GPC6: variants seen among roughly 807,000 people sequenced by gnomAD.
GPC6 encodes glypican 6, also known as glypican-6.
In GPC6, 14 loss-of-function variants were observed where a neutral mutation model predicts 55.2. The observed-to-expected ratio is 0.25, with a 90% CI of 0.17 to 0.40. The LOEUF is 0.40. GPC6 is among the 10% of genes least tolerant of loss of function. The probability of loss-of-function intolerance (pLI) is 1.00; values close to 1 mark genes in which losing one functional copy is unlikely to be tolerated. For synonymous variants in GPC6, 278 were observed against 259.6 expected (o/e 1.07, Z -0.68); for missense variants, 641 against 708.5 (o/e 0.90, Z 1.08).
At chr13:94,039,334 G>A (rs1268764518) in intron 4 of GPC6, among the ~76,000 whole-genome samples, 1 of 151,920 alleles carries the variant, frequency 6.6e-6, no homozygotes, top group African/African-American at 2.4e-5. Context: ...TCAGATGGAT[G>A]AGACTTGTGG....
chr13:93,995,152 G>C (rs976121781), intron 3 of GPC6, among the ~76,000 whole-genome samples: 1 of 147,490 alleles, frequency 6.8e-6, no homozygotes, highest in African/African-American at 2.6e-5. Flanking sequence ...ATAGCACCCT[G>C]TACTTCAACT....
intron 2 of GPC6, among the ~76,000 whole-genome samples, chr13:93,773,447 A>G (rs566793594): frequency 4.6e-5 from 7 of 152,196 alleles, no homozygotes; most frequent in Admixed American, 4.6e-4. Flanking sequence ...CAGCTTCAGT[A>G]TGCAGCTGAT....
intron 6 of GPC6, among the ~76,000 whole-genome samples, chr13:94,372,588 T>C (rs1879615251): frequency 6.6e-6 from 1 of 151,984 alleles, no homozygotes; most frequent in Non-Finnish European, 1.5e-5. Context: ...CGCTGATTGC[T>C]AGCACAGCAG....
chr13:93,783,576 GTCTA>G (rs60855226), intron 2 of GPC6, among the ~76,000 whole-genome samples: 48,178 of 150,994 alleles, frequency 0.32, 7,926 homozygotes, highest in African/African-American at 0.4. Flanking sequence ...CTATCTATCT[GTCTA>G]TCTATCTATC....
intron 4 of GPC6, among the ~76,000 whole-genome samples, chr13:94,181,075 C>G (rs1888976960): frequency 1.3e-5 from 2 of 152,180 alleles, no homozygotes; most frequent in Admixed American, 1.3e-4. Flanking sequence ...GATCCAGGAA[C>G]CACATTTTGA....
intron 3 of GPC6, among the ~76,000 whole-genome samples, chr13:93,878,048 T>C (rs761885819): frequency 3.6e-4 from 55 of 152,204 alleles, no homozygotes; most frequent in Middle Eastern, 3.4e-3. Context: ...TTCAGGACAC[T>C]ATTGATGCTG....
rs556032136 is a variant in GPC6 at position 94,004,392 on chromosome 13, G to C, written c.712-23337G>C. The stretch of plus-strand genomic sequence containing the variant: ...AATGTCTGAATGCTGTGATGTGACC[G>C]AGCCAGGCACCACTCCAGTGCAACC... On this transcript the variant is annotated intron_variant, in intron 3 of 8. Coordinates refer to ENST00000377047, the MANE Select transcript of GPC6 (RefSeq NM_005708.5). 5.3e-5 allele frequency among the ~76,000 whole-genome samples: 8 copies of C among 151,778 alleles called. No homozygotes were observed. The East Asian group carries it at 1.5e-3, about 29-fold the overall frequency.
chr13:94,323,075 T>TGAGGATGACGGGATTGCG (rs1876921616), intron 6 of GPC6, among the ~76,000 whole-genome samples: 1 of 152,132 alleles, frequency 6.6e-6, no homozygotes, highest in Admixed American at 6.6e-5. Flanking sequence ...GTGGTCCAAA[T>TGAGGATGACGGGATTGCG]GAGGATGACG....
chr13:94,342,439 G>C (rs1878087837), intron 6 of GPC6, among the ~76,000 whole-genome samples: 1 of 152,150 alleles, frequency 6.6e-6, no homozygotes, highest in African/African-American at 2.4e-5. Flanking sequence ...AAAGACAGAG[G>C]CAGAGATGGC....
intron 4 of GPC6, among the ~76,000 whole-genome samples, chr13:94,166,711 T>G (rs1888382219): frequency 6.6e-6 from 1 of 152,184 alleles, no homozygotes; most frequent in African/African-American, 2.4e-5. Flanking sequence ...ACAATACATA[T>G]TTTAATCTCC....
chr13:93,744,904 T>G (rs1047153450), intron 2 of GPC6, among the ~76,000 whole-genome samples: 1 of 151,330 alleles, frequency 6.6e-6, no homozygotes, highest in African/African-American at 2.4e-5. Flanking sequence ...ATCTCTGCAC[T>G]CCAGTGTGGG....
intron 3 of GPC6, among the ~76,000 whole-genome samples, chr13:93,973,863 A>G (rs1880402345): frequency 6.6e-6 from 1 of 152,176 alleles, no homozygotes; most frequent in Non-Finnish European, 1.5e-5. Flanking sequence ...GATCTAAAAA[A>G]GACAGAGAAC....
intron 1 of GPC6, among the ~76,000 whole-genome samples, chr13:93,352,329 G>A (rs968316699): frequency 3.3e-5 from 5 of 152,034 alleles, no homozygotes; most frequent in Admixed American, 2.6e-4. Context: ...TTAAAATTGA[G>A]CATTATACAC....
intron 1 of GPC6, among the ~76,000 whole-genome samples, chr13:93,454,485 C>T (rs1330832411): frequency 1.3e-5 from 2 of 149,678 alleles, no homozygotes; most frequent in African/African-American, 4.9e-5. Flanking sequence ...TAAAGGTTCT[C>T]CAAGGCCCCA....
chr13:93,918,628 A>T (rs1566602904), intron 3 of GPC6, among the ~76,000 whole-genome samples: 1 of 152,168 alleles, frequency 6.6e-6, no homozygotes, highest in African/African-American at 2.4e-5. Flanking sequence ...GTACCAACCG[A>T]TGGCCCTCTC....
intron 1 of GPC6, among the ~76,000 whole-genome samples, chr13:93,432,826 C>A (rs769859640): frequency 6.6e-6 from 1 of 151,592 alleles, no homozygotes; most frequent in Non-Finnish European, 1.5e-5. Context: ...TGTCAAATTT[C>A]TGAGGGTGAG....
chr13:93,634,141 A>G (rs891343031), intron 2 of GPC6, among the ~76,000 whole-genome samples: 8 of 152,192 alleles, frequency 5.3e-5, no homozygotes, highest in Non-Finnish European at 1.0e-4. Flanking sequence ...TAATTTTTAA[A>G]TTAATAAGTG....
chr13:93,512,612 A>G (rs1881024535), intron 1 of GPC6, among the ~76,000 whole-genome samples: 1 of 151,946 alleles, frequency 6.6e-6, no homozygotes, highest in African/African-American at 2.4e-5. Flanking sequence ...GGATATTGGC[A>G]AGTAGTTTTC....
intron 2 of GPC6, among the ~76,000 whole-genome samples, chr13:93,762,731 A>G (rs1594435423): frequency 1.3e-5 from 2 of 152,230 alleles, no homozygotes; most frequent in Admixed American, 6.5e-5. Flanking sequence ...GGATAAATCT[A>G]TACTATTGTT....
Sources: gnomAD v4.1 joint callset for allele counts (sites outside exome capture counted in the v4.1 genomes callset) on GRCh38, gnomAD v4.1.1 for gene constraint, MANE v1.5 for transcripts, NCBI Gene and HGNC (gene_info 2026-07-23, HGNC 2026-07-21) for gene names.